Variants in CRIM1 observed in about 807,000 individuals in gnomAD.
The protein encoded by CRIM1 is cysteine-rich motor neuron 1 protein.
CRIM1 carries 32 observed loss-of-function variants against 116.4 expected under a neutral mutation model. That is an observed-to-expected ratio of 0.27 (90% confidence interval 0.21 to 0.37). The LOEUF (loss-of-function observed/expected upper bound fraction) is 0.37. Ranked by LOEUF, CRIM1 falls within the 10% of genes least tolerant of loss-of-function variation. The pLI is 1.00. For synonymous variants in CRIM1, 590 were observed against 509.2 expected (o/e 1.16, Z -2.13); for missense variants, 1,331 against 1,354.8 (o/e 0.98, Z 0.28).
At position 36,547,266 on chromosome 2, in the gene CRIM1, A is replaced by C. The variant is rs1667420484; in HGVS notation, c.2934+95A>C. 7 of 998,970 alleles carry C rather than the reference A, an allele frequency of 7.0e-6. 1 individual carries two copies. In the South Asian group the frequency reaches 9.8e-5, roughly 14 times the overall value. 61.9% of individuals were successfully genotyped at this position (998,970 alleles called of 1,614,324 possible). A position where few individuals can be genotyped will look rare whatever the true frequency, so the allele number is the denominator to read the frequency against. ...TTGAAACCTTGTGTCTTAACCAGTG[A>C]AGTTTTTACTTTGCTCTTCATAGCC... is the stretch of plus-strand genomic sequence containing the variant. On this transcript the variant is annotated intron_variant, in intron 16 of 16. Transcript: ENST00000280527.
chr2:36,493,944 A>G (rs1207294548), intron 7 of CRIM1, among the ~76,000 whole-genome samples: 1 of 152,170 alleles, frequency 6.6e-6, no homozygotes, highest in Admixed American at 6.6e-5. Context: ...ATGTGAGGGT[A>G]AGACTGATCT....
Position 36,356,694 on chromosome 2 carries a change from A to G in CRIM1, c.331+71A>G, listed in dbSNP as rs941348822. 2.3e-5 allele frequency: 33 copies of G among 1,462,660 alleles called. No individual in the cohort carries two copies. Among genetic ancestry groups the G allele is most frequent in the Non-Finnish European group, 2.9e-5 (31 of 1,087,206 alleles). The allele number at this position is 1,462,660 out of a possible 1,614,324, so 90.6% of individuals were successfully genotyped here. A position where few individuals can be genotyped will look rare whatever the true frequency, so the allele number is the denominator to read the frequency against. ...CCCCTCGGCGCTGGTTGTGCCGAAC[A>G]AAGTTTGGGCGAGACTTTCTGGAGG... is the stretch of plus-strand genomic sequence containing the variant. On this transcript the variant is annotated intron_variant, in intron 1 of 16. Coordinates refer to ENST00000280527, the MANE Select transcript of CRIM1 (RefSeq NM_016441.3). This position sits in a 1 kb window ranked among gnomAD's most constrained non-coding sequence, Gnocchi z 4.3.
intron 1 of CRIM1, among the ~76,000 whole-genome samples, chr2:36,357,093 A>T (rs191292298): frequency 4.6e-5 from 7 of 152,222 alleles, no homozygotes; most frequent in Admixed American, 2.0e-4. Context: ...GGCGGAGGAG[A>T]CGTGTCTCCA....
chr2:36,545,898 AT>A (rs1487337477), intron 15 of CRIM1, among the ~76,000 whole-genome samples: 3 of 152,096 alleles, frequency 2.0e-5, no homozygotes, highest in Admixed American at 6.5e-5. Context: ...ACTCTTTGAC[AT>A]TTTTCTTGAT....
chr2:36,498,377 A>G (rs1238188173), intron 7 of CRIM1, among the ~76,000 whole-genome samples: 1 of 152,190 alleles, frequency 6.6e-6, no homozygotes, highest in Non-Finnish European at 1.5e-5. Context: ...AGATTTCCTC[A>G]TCTGTAAATT....
At chr2:36,453,630 C>T (rs1397041419) in intron 4 of CRIM1, among the ~76,000 whole-genome samples, 1 of 152,130 alleles carries the variant, frequency 6.6e-6, no homozygotes, top group Non-Finnish European at 1.5e-5. Context: ...TTGTCATGTG[C>T]CAGGCATTGG....
At chr2:36,400,196 A>G (rs974740467) in intron 2 of CRIM1, among the ~76,000 whole-genome samples, 10 of 152,200 alleles carry the variant, frequency 6.6e-5, no homozygotes, top group Non-Finnish European at 1.2e-4. Context: ...TATGGAGAGT[A>G]GAGGGGAGGT....
chr2:36,385,578 G>T (rs534119250), intron 1 of CRIM1, among the ~76,000 whole-genome samples: 6 of 152,084 alleles, frequency 3.9e-5, no homozygotes, highest in African/African-American at 1.4e-4. Context: ...TTGTCCTGGT[G>T]GTTAAAGGAC....
At chr2:36,405,383 C>G (rs3770918) in intron 2 of CRIM1, among the ~76,000 whole-genome samples, 25,100 of 152,140 alleles carry the variant, frequency 0.16, 2,235 homozygotes, top group Admixed American at 0.24. Flanking sequence ...ACAGGGAAGA[C>G]AGAGGCTCCC....
chr2:36,365,737 T>G (rs937521595), intron 1 of CRIM1, among the ~76,000 whole-genome samples: 6 of 66,046 alleles, frequency 9.1e-5, no homozygotes, highest in African/African-American at 2.1e-4. Flanking sequence ...TATGTTTGTG[T>G]TTTTTTTTTT....
At chr2:36,480,826 G>A (rs1679358950) in intron 7 of CRIM1, among the ~76,000 whole-genome samples, 1 of 152,078 alleles carries the variant, frequency 6.6e-6, no homozygotes, top group African/African-American at 2.4e-5. Flanking sequence ...GACCAGTTTT[G>A]TGGAAGTCAC....
At chr2:36,501,372 A>G (rs1218987423) in intron 8 of CRIM1, among the ~76,000 whole-genome samples, 1 of 152,228 alleles carries the variant, frequency 6.6e-6, no homozygotes, top group African/African-American at 2.4e-5. Flanking sequence ...TTCCTCAGTT[A>G]CATGTGACCA....
chr2:36,457,213 T>C (rs1357069572), intron 4 of CRIM1, among the ~76,000 whole-genome samples: 2 of 152,178 alleles, frequency 1.3e-5, no homozygotes, highest in East Asian at 1.9e-4. Context: ...ATAAGTTCTT[T>C]AGCGGTGATT....
rs569715905 is a variant in CRIM1 at position 36,356,478 on chromosome 2, C to T, written c.186C>T (p.Cys62=). Residue 62 remains cysteine (C), a synonymous_variant, in exon 1 of 17, where the codon TGC becomes TGT. Transcript: ENST00000280527. The surrounding 1 kb of genome is among the most constrained non-coding windows in gnomAD (Gnocchi z 4.3). ...GCATCGTGCAGGGCGTCTGCGGCTGCTGCTACACGTGCGCCAGCCAGAGGA... is the reference window on the plus strand; with the variant it reads ...GCATCGTGCAGGGCGTCTGCGGCTGTTGCTACACGTGCGCCAGCCAGAGGA... The part of the protein sequence containing the change: ...PGSIVQGVCG[C]CYTCASQRNE... 1.2e-6 allele frequency: 2 copies of T among 1,611,930 alleles called. No individual in the cohort carries two copies. Among genetic ancestry groups the T allele is most frequent in the Non-Finnish European group, 1.7e-6 (2 of 1,179,790 alleles).
chr2:36,445,570 G>A (rs1676176933), intron 4 of CRIM1, among the ~76,000 whole-genome samples: 1 of 152,200 alleles, frequency 6.6e-6, no homozygotes, highest in African/African-American at 2.4e-5. Flanking sequence ...GCTATACGAT[G>A]TTCCTAAAGG....
chr2:36,436,146 A>G (rs1675296068), intron 2 of CRIM1, among the ~76,000 whole-genome samples: 1 of 152,188 alleles, frequency 6.6e-6, no homozygotes, highest in African/African-American at 2.4e-5. Flanking sequence ...AACATAGAAT[A>G]GAGACAGAGA....
Position 36,356,217 on chromosome 2 carries a change from T to TGTGCCCCGCGCAGGGGAGGGCGC in CRIM1, c.-75_-53dup, listed in dbSNP as rs1186355904. The stretch of plus-strand genomic sequence containing the variant: ...CTGCTGGTGCGGCGGCGGCGGCGCG[T>TGTGCCCCGCGCAGGGGAGGGCGC]GTGCCCCGCGCAGGGGAGGGCGCCC... On this transcript the variant is annotated 5_prime_UTR_variant, in exon 1 of 17. Coordinates refer to ENST00000280527, the MANE Select transcript of CRIM1 (RefSeq NM_016441.3). The surrounding 1 kb of genome is among the most constrained non-coding windows in gnomAD (Gnocchi z 4.3). 1.8e-5 allele frequency: 12 copies of TGTGCCCCGCGCAGGGGAGGGCGC among 661,484 alleles called. No homozygotes were observed. The African/African-American group carries it at 2.4e-4, about 13-fold the overall frequency. The allele number at this position is 661,484 out of a possible 1,614,324, so 41.0% of individuals were successfully genotyped here. A position where few individuals can be genotyped will look rare whatever the true frequency, so the allele number is the denominator to read the frequency against.
chr2:36,496,991 A>G (rs1163264844), intron 7 of CRIM1, among the ~76,000 whole-genome samples: 1 of 152,178 alleles, frequency 6.6e-6, no homozygotes, highest in Admixed American at 6.5e-5. Context: ...TGGATTCTCT[A>G]AGCAAATCCC....
At chr2:36,420,501 C>T (rs113104999) in intron 2 of CRIM1, among the ~76,000 whole-genome samples, 54 of 152,244 alleles carry the variant, frequency 3.5e-4, no homozygotes, top group African/African-American at 1.0e-3. Flanking sequence ...TGATCACCAG[C>T]GTTGTCCCAG....
Sources: gnomAD v4.1 joint callset for allele counts (sites outside exome capture counted in the v4.1 genomes callset) on GRCh38, gnomAD v4.1.1 for gene constraint, Gnocchi (gnomAD v3.1) non-coding constraint, MANE v1.5 for transcripts, NCBI Gene and HGNC (gene_info 2026-07-23, HGNC 2026-07-21) for gene names.